The following ATXN10 variants were observed in gnomAD, a reference collection of about 807,000 sequenced individuals.
The protein encoded by ATXN10 is ataxin 10, also known as ataxin-10.
Under a neutral mutation model 52.9 loss-of-function variants are expected in ATXN10, and 28 were observed. The ratio of observed to expected loss-of-function variants is 0.53; its 90% CI spans 0.39 to 0.73. The LOEUF (loss-of-function observed/expected upper bound fraction) is 0.73, where lower values mean the gene tolerates loss of function less well. Among genes scored for constraint, ATXN10 ranks in the 30% least tolerant of loss-of-function variants. The probability of loss-of-function intolerance (pLI) is 0.00; values close to 1 mark genes in which losing one functional copy is unlikely to be tolerated. For synonymous variants in ATXN10, 226 were observed against 221.5 expected (o/e 1.02, Z -0.18); for missense variants, 565 against 577.0 (o/e 0.98, Z 0.21).
rs1311271739 is a variant in ATXN10 at position 45,813,456 on chromosome 22, T to TTC, written c.1237+6435_1237+6436insCT. 1.6e-3 allele frequency among the ~76,000 whole-genome samples: 5 copies of TTC among 3,068 alleles called. No homozygotes were observed. In the East Asian group the frequency reaches 0.023, roughly 14 times the overall value. The allele number at this position is 3,068 out of a possible 152,430, so 2.0% of individuals were successfully genotyped here. A position where few individuals can be genotyped will look rare whatever the true frequency, so the allele number is the denominator to read the frequency against. On this transcript the variant is annotated intron_variant, in intron 10 of 11. Coordinates refer to ENST00000252934, the MANE Select transcript of ATXN10 (RefSeq NM_013236.4). ...TCTTTTTTCTTCCTTTCTTCATTTCTTTTTTTTTTTTTAATGGAAACACCT... is the reference window on the plus strand; with the variant it reads ...TCTTTTTTCTTCCTTTCTTCATTTCTTCTTTTTTTTTTTTAATGGAAACACCT...
intron 9 of ATXN10, among the ~76,000 whole-genome samples, chr22:45,794,144 G>A (rs1927622181): frequency 6.6e-6 from 1 of 152,172 alleles, no homozygotes; most frequent in Non-Finnish European, 1.5e-5. Flanking sequence ...ACATATTGGT[G>A]GGTATGTCTT....
At chr22:45,765,627 A>G (rs1395851622) in intron 9 of ATXN10, among the ~76,000 whole-genome samples, 3 of 152,148 alleles carry the variant, frequency 2.0e-5, no homozygotes, top group Non-Finnish European at 4.4e-5. Flanking sequence ...AAGCCCCTCC[A>G]TGTCATAAAT....
chr22:45,829,930 A>T (rs1317919571), intron 10 of ATXN10, among the ~76,000 whole-genome samples: 9 of 152,234 alleles, frequency 5.9e-5, no homozygotes, highest in Non-Finnish European at 1.3e-4. Flanking sequence ...GTATAAGAAG[A>T]ACAGAGCTGG....
intron 10 of ATXN10, among the ~76,000 whole-genome samples, chr22:45,808,951 A>G (rs1256010459): frequency 6.6e-6 from 1 of 152,246 alleles, no homozygotes; most frequent in Non-Finnish European, 1.5e-5. Context: ...TATCACAAGC[A>G]TCTTTAGTGT....
At chr22:45,672,412 C>T (rs1165503414) in intron 1 of ATXN10, 1 of 259,932 alleles carries the variant, frequency 3.8e-6, no homozygotes, top group Non-Finnish European at 6.7e-6. Context: ...GCAGCCAGTC[C>T]GGGTGCGAAG....
At chr22:45,765,863 T>C (rs571975543) in intron 9 of ATXN10, among the ~76,000 whole-genome samples, 2 of 152,330 alleles carry the variant, frequency 1.3e-5, no homozygotes, top group South Asian at 4.1e-4. Context: ...CCTCAGGTTT[T>C]TTTTGAGCTA....
intron 3 of ATXN10, among the ~76,000 whole-genome samples, chr22:45,693,947 T>A (rs938337307): frequency 6.6e-6 from 1 of 152,220 alleles, no homozygotes; most frequent in Non-Finnish European, 1.5e-5. Context: ...CCATTCAGTC[T>A]GTGGTAAGAC....
rs1304091528 is a variant in ATXN10 at position 45,789,983 on chromosome 22, T to C, written c.1174-16976T>C. Among the ~76,000 whole-genome samples the C allele has an allele frequency of 5.3e-5, 8 of 152,190 alleles. No individual in the cohort carries two copies. Among genetic ancestry groups the C allele is most frequent in the Non-Finnish European group, 1.0e-4 (7 of 68,032 alleles). ...ACTCCAATGAAAGGCCTACATTCAT[T>C]GTAATAATAGAATGCCCATAAGAGA... On this transcript the variant is annotated intron_variant, in intron 9 of 11. Transcript: ENST00000252934. The surrounding 1 kb of genome is among the most constrained non-coding windows in gnomAD (Gnocchi z 4.0).
chr22:45,702,848 G>T lies in ATXN10; in HGVS notation c.647+1G>T, dbSNP rs764854879. The T allele has an allele frequency of 6.8e-6, 11 of 1,613,518 alleles. No individual in the cohort carries two copies. The highest frequency in any genetic ancestry group is 2.7e-5 in the African/African-American group (2 of 74,912). Reference sequence around the variant, plus strand: ...AAAAACATCCTGAATCAGAATGGCCGTAAGTATCTTGTTAGAAATTTGATT... The same window carrying T: ...AAAAACATCCTGAATCAGAATGGCCTTAAGTATCTTGTTAGAAATTTGATT... On this transcript the variant is annotated splice_donor_variant, in intron 5 of 11. Transcript: ENST00000252934. LOFTEE classifies it high-confidence loss of function.
chr22:45,706,935 T>G (rs1924064093), intron 5 of ATXN10, among the ~76,000 whole-genome samples: 1 of 152,214 alleles, frequency 6.6e-6, no homozygotes, highest in African/African-American at 2.4e-5. Flanking sequence ...CTTGCTGATC[T>G]TCTGTTCTAG....
chr22:45,752,960 C>T (rs529149649), intron 9 of ATXN10, among the ~76,000 whole-genome samples: 2 of 152,126 alleles, frequency 1.3e-5, no homozygotes, highest in Non-Finnish European at 2.9e-5. Flanking sequence ...TCTTGAACTC[C>T]CGACCTCAGG....
intron 9 of ATXN10, among the ~76,000 whole-genome samples, chr22:45,797,832 A>G (rs1299385894): frequency 1.3e-5 from 2 of 152,202 alleles, no homozygotes; most frequent in African/African-American, 2.4e-5. Flanking sequence ...AATGACACAA[A>G]ATATAAATGA....
chr22:45,778,359 A>T (rs1927033512), intron 9 of ATXN10, among the ~76,000 whole-genome samples: 1 of 152,206 alleles, frequency 6.6e-6, no homozygotes, highest in Non-Finnish European at 1.5e-5. Context: ...ACTGGCCTTT[A>T]TGGAGCTTGC....
chr22:45,729,770 C>A, intron 7 of ATXN10, 180 bp downstream of exon 7: 1 of 735,092 alleles, frequency 1.4e-6, no homozygotes, highest in Non-Finnish European at 2.3e-6. Flanking sequence ...TTATTCCTAC[C>A]ATCCAGAGTC....
chr22:45,741,663 A>G (rs1164895476), intron 9 of ATXN10, among the ~76,000 whole-genome samples: 1 of 152,108 alleles, frequency 6.6e-6, no homozygotes, highest in Non-Finnish European at 1.5e-5. Flanking sequence ...TATGACCCAT[A>G]GTATTATGAG....
In ATXN10 at chr22:45,844,699, G is replaced by A. The variant is rs1258825899; in HGVS notation, c.*1028G>A. 6.6e-6 allele frequency: 1 copy of A among 152,208 alleles called. No homozygotes were observed. Among genetic ancestry groups the A allele is most frequent in the African/African-American group, 2.4e-5 (1 of 41,444 alleles). The allele number at this position is 152,208 out of a possible 1,614,324, so 9.4% of individuals were successfully genotyped here. ...AAAAGCTCTAGGGGGAGGTCACGTT[G>A]TGAATGCTTAAAACATATTATTTTC... On this transcript the variant is annotated 3_prime_UTR_variant, in exon 12 of 12. Transcript: ENST00000252934.
chr22:45,719,065 T>C (rs1047764777), intron 6 of ATXN10, among the ~76,000 whole-genome samples: 18 of 151,706 alleles, frequency 1.2e-4, no homozygotes, highest in Non-Finnish European at 2.2e-4. Flanking sequence ...TTTTTTTTTT[T>C]CCTAAACCTC....
intron 3 of ATXN10, among the ~76,000 whole-genome samples, chr22:45,699,745 C>T (rs887820883): frequency 3.3e-5 from 5 of 151,756 alleles, no homozygotes; most frequent in South Asian, 2.1e-4. Context: ...GCACCCCCCT[C>T]GTCTTCCCAG....
intron 9 of ATXN10, among the ~76,000 whole-genome samples, chr22:45,761,675 C>T (rs1343692971): frequency 6.6e-6 from 1 of 152,158 alleles, no homozygotes; most frequent in Non-Finnish European, 1.5e-5. Flanking sequence ...ATTTTTTTAT[C>T]ATACACTTCT....
Sources: gnomAD v4.1 joint callset for allele counts (sites outside exome capture counted in the v4.1 genomes callset) on GRCh38, gnomAD v4.1.1 for gene constraint, Gnocchi (gnomAD v3.1) non-coding constraint, MANE v1.5 for transcripts, NCBI Gene and HGNC (gene_info 2026-07-23, HGNC 2026-07-21) for gene names.